The following ZNF805 variants were observed in gnomAD, a reference collection of about 807,000 sequenced individuals.
ZNF805 encodes zinc finger protein 805.
A neutral mutation model predicts 13.6 loss-of-function variants in ZNF805; 7 were observed. The observed-to-expected ratio is 0.51, with a 90% CI of 0.29 to 0.97. The LOEUF is 0.97. Ranked by LOEUF, ZNF805 falls within the 50% of genes least tolerant of loss-of-function variation. The pLI is 0.08. For synonymous variants in ZNF805, 293 were observed against 279.8 expected, an observed-to-expected ratio of 1.05 and a Z score of -0.47; for missense variants, 604 against 771.0, an observed-to-expected ratio of 0.78 and a Z score of 2.57.
In ZNF805 at chr19:57,253,575, C is replaced by A; in HGVS notation, c.756C>A (p.Val252=). The change falls in exon 4 of 4, where the codon GTC becomes GTA. Residue 252 remains valine (V), a synonymous_variant. Coordinates refer to ENST00000414468, the MANE Select transcript of ZNF805 (RefSeq NM_001023563.4). The surrounding 1 kb of genome is among the most constrained non-coding windows in gnomAD (Gnocchi z 4.4). The part of the protein sequence containing the change: ...KSTYLLQHHM[V]HTGEKPYKCM... Reference sequence around the variant, plus strand: ...CATACCTCCTGCAGCACCACATGGTCCACACTGGGGAGAAGCCCTATAAGT... The same window carrying A: ...CATACCTCCTGCAGCACCACATGGTACACACTGGGGAGAAGCCCTATAAGT... 6.2e-7 allele frequency: 1 copy of A among 1,614,048 alleles called. No homozygotes were observed. Among genetic ancestry groups the A allele is most frequent in the Non-Finnish European group, 8.5e-7 (1 of 1,179,962 alleles).
In ZNF805 at chr19:57,253,537, T is replaced by G; in HGVS notation, c.718T>G (p.Phe240Val). The part of the protein sequence containing the change: ...PYECTECGKT[F>V]SKSTYLLQHH... ...TGAATGCACAGAGTGTGGAAAAACC[T>G]TTAGCAAGAGTACATACCTCCTGCA... The change falls in exon 4 of 4, where the codon TTT becomes GTT. Residue 240 changes from phenylalanine to valine, a missense_variant. This residue lies in a region of ZNF805 where 327 missense variants were observed against 378.2 expected (regional missense o/e 0.86). Transcript: ENST00000414468. The surrounding 1 kb of genome is among the most constrained non-coding windows in gnomAD (Gnocchi z 4.4). 6.2e-7 allele frequency: 1 copy of G among 1,613,150 alleles called. No individual in the cohort carries two copies. Among genetic ancestry groups the G allele is most frequent in the Non-Finnish European group, 8.5e-7 (1 of 1,179,490 alleles).
chr19:57,260,846 G>A lies in ZNF805; in HGVS notation c.*6143G>A, dbSNP rs940672167. ...GTATCATGTGGCCATGACCTTGGCC[G>A]TGGGGATGCACCCATAATCATCATA... is the stretch of plus-strand genomic sequence containing the variant. On this transcript the variant is annotated 3_prime_UTR_variant, in exon 4 of 4. Transcript: ENST00000414468. 1.3e-5 allele frequency among the ~76,000 whole-genome samples: 2 copies of A among 152,184 alleles called. No individual in the cohort carries two copies. The highest frequency in any genetic ancestry group is 2.1e-4 in the South Asian group (1 of 4,824).
At chr19:57,242,266 CTT>C (rs999745758) in intron 1 of ZNF805, among the ~76,000 whole-genome samples, 1 of 152,220 alleles carries the variant, frequency 6.6e-6, no homozygotes, top group African/African-American at 2.4e-5. Flanking sequence ...CTGAGGTGAA[CTT>C]TGCAGTCTTT....
intron 3 of ZNF805, among the ~76,000 whole-genome samples, chr19:57,251,327 C>T (rs1203785154): frequency 4.6e-5 from 7 of 152,086 alleles, no homozygotes; most frequent in Non-Finnish European, 1.0e-4. Context: ...ATTAAATGGA[C>T]ACAAAATATT....
intron 2 of ZNF805, among the ~76,000 whole-genome samples, chr19:57,246,212 T>C (rs1488199035): frequency 2.0e-5 from 3 of 152,182 alleles, no homozygotes; most frequent in African/African-American, 7.2e-5. Context: ...GTCTCGCTGT[T>C]GCCTCGGCTG....
intron 3 of ZNF805, among the ~76,000 whole-genome samples, chr19:57,250,896 G>T (rs114896820): frequency 6.6e-6 from 1 of 152,070 alleles, no homozygotes; most frequent in South Asian, 2.1e-4. Flanking sequence ...TTTCATGGAC[G>T]TTTTTTCTTC....
At position 57,260,444 on chromosome 19, in the gene ZNF805, G is replaced by C. The variant is rs746346950; in HGVS notation, c.*5741G>C. On this transcript the variant is annotated 3_prime_UTR_variant, in exon 4 of 4. Transcript: ENST00000414468. ...CTACTAAATGGCTTCCACCACCGTT[G>C]CCTGACTTAAGCACGTCTCAGAAAG... Among the ~76,000 whole-genome samples the C allele has an allele frequency of 6.6e-6, 1 of 152,034 alleles. No individual in the cohort carries two copies. The highest frequency in any genetic ancestry group is 1.5e-5 in the Non-Finnish European group (1 of 68,028).
chr19:57,242,383 G>A (rs553005873), intron 1 of ZNF805, among the ~76,000 whole-genome samples: 1 of 152,234 alleles, frequency 6.6e-6, no homozygotes, highest in Non-Finnish European at 1.5e-5. Context: ...GGTCCAAGAG[G>A]ACTTATGAGG....
rs982730053 is a variant in ZNF805 at position 57,258,739 on chromosome 19, A to G, written c.*4036A>G. Among the ~76,000 whole-genome samples the G allele has an allele frequency of 1.3e-5, 2 of 152,312 alleles. No individual in the cohort carries two copies. The highest frequency in any genetic ancestry group is 4.8e-5 in the African/African-American group (2 of 41,574). ...CTTCCACTGTCAAATATATTTTACAAAAGTCACAGGAAGTATTGCTTGTTG... is the reference window on the plus strand; with the variant it reads ...CTTCCACTGTCAAATATATTTTACAGAAGTCACAGGAAGTATTGCTTGTTG... On this transcript the variant is annotated 3_prime_UTR_variant, in exon 4 of 4. Transcript: ENST00000414468.
chr19:57,260,632 A>G lies in ZNF805; in HGVS notation c.*5929A>G, dbSNP rs539224810. Among the ~76,000 whole-genome samples the G allele has an allele frequency of 6.6e-6, 1 of 152,132 alleles. No individual in the cohort carries two copies. The highest frequency in any genetic ancestry group is 2.4e-5 in the African/African-American group (1 of 41,500). ...GCTTTACTTCCCAGCATCCATCATG[A>G]TCATTGCTGTTTTCTAACTTGTCCT... On this transcript the variant is annotated 3_prime_UTR_variant, in exon 4 of 4. Transcript: ENST00000414468.
intron 2 of ZNF805, among the ~76,000 whole-genome samples, chr19:57,244,428 C>G (rs2087599078): frequency 6.6e-6 from 1 of 151,966 alleles, no homozygotes; most frequent in Admixed American, 6.6e-5. Flanking sequence ...CCAGGCTGGT[C>G]TCAAACTCCT....
intron 3 of ZNF805, 118 bp downstream of exon 3, chr19:57,248,818 C>G: frequency 1.1e-6 from 1 of 927,430 alleles, no homozygotes; most frequent in Non-Finnish European, 1.7e-6. Flanking sequence ...GGTTTGGGAG[C>G]CTTGGAGCCC....
Position 57,259,568 on chromosome 19 carries a change from G to A in ZNF805, c.*4865G>A, listed in dbSNP as rs560028584. The stretch of plus-strand genomic sequence containing the variant: ...GTTGCCCAGGCTGGAGTGCAGTGGC[G>A]CGATCTCTGCTCACTGCAAGCTCTG... On this transcript the variant is annotated 3_prime_UTR_variant, in exon 4 of 4. Coordinates refer to ENST00000414468, the MANE Select transcript of ZNF805 (RefSeq NM_001023563.4). 5.9e-5 allele frequency among the ~76,000 whole-genome samples: 9 copies of A among 152,080 alleles called. No individual in the cohort carries two copies. Among genetic ancestry groups the A allele is most frequent in the Non-Finnish European group, 8.8e-5 (6 of 67,992 alleles).
chr19:57,247,259 G>A (rs927640688), intron 2 of ZNF805, among the ~76,000 whole-genome samples: 22 of 152,096 alleles, frequency 1.4e-4, no homozygotes, highest in African/African-American at 3.9e-4. Context: ...GTGAAATGCT[G>A]GGGTCTGGAG....
chr19:57,253,561 C>T lies in ZNF805; in HGVS notation c.742C>T (p.Gln248Ter). 1.2e-6 allele frequency: 2 copies of T among 1,613,920 alleles called. No individual in the cohort carries two copies. The highest frequency in any genetic ancestry group is 8.5e-7 in the Non-Finnish European group (1 of 1,179,906). Residue 248 changes from glutamine to a stop codon, truncating the protein, a stop_gained, in exon 4 of 4, where the codon CAG becomes TAG. Transcript: ENST00000414468. LOFTEE classifies it high-confidence loss of function. This position sits in a 1 kb window ranked among gnomAD's most constrained non-coding sequence, Gnocchi z 4.4. ...CTTTAGCAAGAGTACATACCTCCTGCAGCACCACATGGTCCACACTGGGGA... is the reference window on the plus strand; with the variant it reads ...CTTTAGCAAGAGTACATACCTCCTGTAGCACCACATGGTCCACACTGGGGA... ...KTFSKSTYLL[Q>*]HHMVHTGEKP...
Position 57,254,630 on chromosome 19 carries a change from T to A in ZNF805, c.1811T>A (p.Leu604Ter), listed in dbSNP as rs1450920822. The change falls in exon 4 of 4, where the codon TTG becomes TAG. Residue 604 changes from leucine to a stop codon, truncating the protein, a stop_gained. Coordinates refer to ENST00000414468, the MANE Select transcript of ZNF805 (RefSeq NM_001023563.4). LOFTEE classifies it low-confidence loss of function (END_TRUNC). ...FLNVTTEENL[L>*]QEEASYMASD... ...AATGTCACCACTGAGGAAAATCTTT[T>A]GCAAGAGGAAGCATCTTACATGGCA... 2.5e-6 allele frequency: 4 copies of A among 1,614,034 alleles called. No individual in the cohort carries two copies. The highest frequency in any genetic ancestry group is 3.4e-6 in the Non-Finnish European group (4 of 1,180,008).
intron 2 of ZNF805, among the ~76,000 whole-genome samples, chr19:57,244,804 T>G (rs1181533371): frequency 1.3e-5 from 2 of 152,202 alleles, no homozygotes; most frequent in Non-Finnish European, 2.9e-5. Context: ...TTTTACTGTT[T>G]GTGACCCCTC....
At chr19:57,249,546 C>T (rs972416741) in intron 3 of ZNF805, among the ~76,000 whole-genome samples, 1 of 152,216 alleles carries the variant, frequency 6.6e-6, no homozygotes, top group African/African-American at 2.4e-5. Flanking sequence ...ATGAGTGTTA[C>T]TCATGTCATA....
rs1449324947 is a variant in ZNF805, at chr19:57,261,306, T to C, written c.*6603T>C. ...GACTGTAGAAAAGACGGAGAATGTC[T>C]GGGTTTGAGGATATGTGGGAGGGGT... is the stretch of plus-strand genomic sequence containing the variant. On this transcript the variant is annotated 3_prime_UTR_variant, in exon 4 of 4. Coordinates refer to ENST00000414468, the MANE Select transcript of ZNF805 (RefSeq NM_001023563.4). 2 of 166,886 alleles carry C rather than the reference T, an allele frequency of 1.2e-5. No individual in the cohort carries two copies. Among genetic ancestry groups the C allele is most frequent in the African/African-American group, 4.8e-5 (2 of 41,358 alleles). The allele number at this position is 166,886 out of a possible 1,614,324, so 10.3% of individuals were successfully genotyped here.
Sources: gnomAD v4.1 joint callset for allele counts (sites outside exome capture counted in the v4.1 genomes callset) on GRCh38, gnomAD v4.1.1 for gene constraint, gnomAD v4.1.1 regional missense constraint, Gnocchi (gnomAD v3.1) non-coding constraint, MANE v1.5 for transcripts, NCBI Gene and HGNC (gene_info 2026-07-23, HGNC 2026-07-21) for gene names.